Variants in JAKMIP2 observed in about 807,000 individuals in gnomAD.
The protein encoded by JAKMIP2 is janus kinase and microtubule interacting protein 2.
JAKMIP2 carries 25 observed loss-of-function variants against 115.0 expected under a neutral mutation model. The observed-to-expected ratio is 0.22, with a 90% CI of 0.16 to 0.30. The LOEUF (loss-of-function observed/expected upper bound fraction) is 0.30. Ranked by LOEUF, JAKMIP2 falls within the 10% of genes least tolerant of loss-of-function variation. The pLI is 1.00. For synonymous variants in JAKMIP2, 334 were observed against 343.6 expected, an observed-to-expected ratio of 0.97 and a Z score of 0.31; for missense variants, 642 against 957.6, an observed-to-expected ratio of 0.67 and a Z score of 4.35.
At chr5:147,634,675 C>A (rs564935389) in intron 12 of JAKMIP2, among the ~76,000 whole-genome samples, 1 of 152,224 alleles carries the variant, frequency 6.6e-6, no homozygotes, top group South Asian at 2.1e-4. Flanking sequence ...CACCAGTTCT[C>A]GATTTTTGAA....
chr5:147,699,111 A>C (rs1282024612), intron 1 of JAKMIP2, among the ~76,000 whole-genome samples: 1 of 152,232 alleles, frequency 6.6e-6, no homozygotes, highest in Non-Finnish European at 1.5e-5. Context: ...GAGAAAATAT[A>C]CACCCATCTA....
intron 21 of JAKMIP2, among the ~76,000 whole-genome samples, chr5:147,599,389 T>C (rs961413719): frequency 4.6e-5 from 7 of 152,254 alleles, no homozygotes; most frequent in African/African-American, 1.4e-4. Flanking sequence ...CTTTAAATTA[T>C]ATCTGACTTG....
intron 1 of JAKMIP2, among the ~76,000 whole-genome samples, chr5:147,751,657 C>T (rs1358653412): frequency 6.6e-6 from 1 of 152,112 alleles, no homozygotes; most frequent in Non-Finnish European, 1.5e-5. Context: ...GCAGTGTGCG[C>T]TCAGCAATAA....
rs557109210 is a variant in JAKMIP2, at chr5:147,627,386, G to A, written c.1995+1365C>T. On this transcript the variant is annotated intron_variant, in intron 16 of 21. Coordinates refer to ENST00000616793, the MANE Select transcript of JAKMIP2 (RefSeq NM_001270941.2). ...AAAAGATCAGTGTAAAGGACCAAGA[G>A]TGGAGAATGGAGAGAGAAAGAGAGA... is the stretch of plus-strand genomic sequence containing the variant. Among the ~76,000 whole-genome samples the A allele has an allele frequency of 2.0e-5, 3 of 152,112 alleles. No individual in the cohort carries two copies. The East Asian group carries it at 5.8e-4, about 30-fold the overall frequency.
chr5:147,740,935 G>A (rs939851258), intron 1 of JAKMIP2, among the ~76,000 whole-genome samples: 7 of 152,028 alleles, frequency 4.6e-5, no homozygotes, highest in Non-Finnish European at 7.4e-5. Context: ...ATCATAGATC[G>A]CTACAGCTGG....
intron 1 of JAKMIP2, among the ~76,000 whole-genome samples, chr5:147,742,424 A>AT (rs947074850): frequency 6.6e-6 from 1 of 152,026 alleles, no homozygotes; most frequent in African/African-American, 2.4e-5. Flanking sequence ...TTCCTACATA[A>AT]TCATTCAAGA....
intron 1 of JAKMIP2, among the ~76,000 whole-genome samples, chr5:147,702,694 A>AGAAAG (rs1752422458): frequency 2.8e-5 from 4 of 141,126 alleles, no homozygotes; most frequent in African/African-American, 1.2e-4. Context: ...GAAAGAAAAG[A>AGAAAG]AAAGAAAAGA....
chr5:147,748,753 G>C (rs1299775101), intron 1 of JAKMIP2, among the ~76,000 whole-genome samples: 2 of 152,168 alleles, frequency 1.3e-5, no homozygotes, highest in African/African-American at 2.4e-5. Flanking sequence ...GGCACACCTA[G>C]CCCTAACCAG....
chr5:147,594,896 A>C lies in JAKMIP2; in HGVS notation c.*21-3210T>G, dbSNP rs181679740. ...GTCCATAAAAATCCTGGTAGGGAAG[A>C]CATAATAATATTGTATGAAATGTAA... On this transcript the variant is annotated intron_variant, in intron 21 of 21. Transcript: ENST00000616793. Among the ~76,000 whole-genome samples the C allele has an allele frequency of 1.3e-3, 202 of 152,306 alleles. No homozygotes were observed. In the Middle Eastern group the frequency reaches 0.02, roughly 15 times the overall value.
At chr5:147,734,641 A>T (rs1753853599) in intron 1 of JAKMIP2, among the ~76,000 whole-genome samples, 1 of 148,494 alleles carries the variant, frequency 6.7e-6, no homozygotes, top group South Asian at 2.2e-4. Flanking sequence ...CCCAGAACTT[A>T]TACTATAATA....
intron 1 of JAKMIP2, among the ~76,000 whole-genome samples, chr5:147,746,016 A>C (rs931448983): frequency 1.3e-5 from 2 of 152,212 alleles, no homozygotes. Context: ...GTTTCTGATT[A>C]TTAGTGGTGT....
chr5:147,684,327 ACACACACT>A (rs1760469642), intron 1 of JAKMIP2, among the ~76,000 whole-genome samples: 1 of 142,012 alleles, frequency 7.0e-6, no homozygotes, highest in Admixed American at 7.3e-5. Flanking sequence ...ACACACACAC[ACACACACT>A]GAGAACAAGA....
intron 10 of JAKMIP2, among the ~76,000 whole-genome samples, chr5:147,637,808 C>G (rs73268154): frequency 0.013 from 1,950 of 152,098 alleles, 46 homozygotes; most frequent in African/African-American, 0.045. Flanking sequence ...TTTTGTGTGT[C>G]TGTGTGTGTA....
At chr5:147,626,745 A>G (rs1241306876) in intron 16 of JAKMIP2, among the ~76,000 whole-genome samples, 1 of 152,200 alleles carries the variant, frequency 6.6e-6, no homozygotes, top group African/African-American at 2.4e-5. Context: ...CAGTCTCAGT[A>G]AATGTGAGAC....
rs947364976 is a variant in JAKMIP2, at chr5:147,620,307, G to T, written c.2142+359C>A. ...TATTTTTATTTTTTGGAGATACAAG[G>T]TTTCACCATGTTGCTCACGCTGGTC... On this transcript the variant is annotated intron_variant, in intron 18 of 21. Coordinates refer to ENST00000616793, the MANE Select transcript of JAKMIP2 (RefSeq NM_001270941.2). Among the ~76,000 whole-genome samples the T allele has an allele frequency of 1.6e-4, 25 of 152,168 alleles. 1 individual carries two copies. The highest frequency in any genetic ancestry group is 6.0e-4 in the African/African-American group (25 of 41,524).
At chr5:147,763,031 C>G (rs1437586036) in intron 1 of JAKMIP2, among the ~76,000 whole-genome samples, 1 of 151,928 alleles carries the variant, frequency 6.6e-6, no homozygotes, top group African/African-American at 2.4e-5. Context: ...ATTCTCTAAC[C>G]CGGAGCTAAA....
intron 1 of JAKMIP2, among the ~76,000 whole-genome samples, chr5:147,764,225 G>A (rs1249664757): frequency 6.6e-6 from 1 of 152,094 alleles, no homozygotes; most frequent in African/African-American, 2.4e-5. Context: ...GCAGAAGGAG[G>A]ATTGCAGATA....
At chr5:147,720,317 A>T (rs1317166649) in intron 1 of JAKMIP2, among the ~76,000 whole-genome samples, 1 of 150,808 alleles carries the variant, frequency 6.6e-6, no homozygotes, top group East Asian at 1.9e-4. Flanking sequence ...GAATCTGAAA[A>T]TTATGTGTCT....
intron 1 of JAKMIP2, among the ~76,000 whole-genome samples, chr5:147,720,853 A>C (rs1282243686): frequency 6.6e-6 from 1 of 152,016 alleles, no homozygotes; most frequent in African/African-American, 2.4e-5. Flanking sequence ...TCAGCTCGTC[A>C]AAGTCATTCT....
Sources: gnomAD v4.1 joint callset for allele counts (sites outside exome capture counted in the v4.1 genomes callset) on GRCh38, gnomAD v4.1.1 for gene constraint, MANE v1.5 for transcripts, NCBI Gene and HGNC (gene_info 2026-07-23, HGNC 2026-07-21) for gene names.